Variants in GLRA3 observed in about 807,000 individuals in gnomAD.
GLRA3 encodes glycine receptor subunit alpha-3.
Under a neutral mutation model 60.4 loss-of-function variants are expected in GLRA3, and 44 were observed. The ratio of observed to expected loss-of-function variants is 0.73; its 90% CI spans 0.57 to 0.94. GLRA3 has a LOEUF of 0.94. Among genes scored for constraint, GLRA3 ranks in the 40% least tolerant of loss-of-function variants. The probability of loss-of-function intolerance (pLI) is 0.00; values close to 1 mark genes in which losing one functional copy is unlikely to be tolerated. For synonymous variants in GLRA3, 223 were observed against 192.9 expected (o/e 1.16, Z -1.29); for missense variants, 508 against 564.6 (o/e 0.90, Z 1.02).
intron 7 of GLRA3, among the ~76,000 whole-genome samples, chr4:174,670,981 T>C (rs1733882426): frequency 6.6e-6 from 1 of 152,024 alleles, no homozygotes; most frequent in African/African-American, 2.4e-5. Context: ...TAAATAATTA[T>C]TTCATTTTCT....
At chr4:174,810,182 T>C (rs1300188637) in intron 1 of GLRA3, among the ~76,000 whole-genome samples, 1 of 152,090 alleles carries the variant, frequency 6.6e-6, no homozygotes. Context: ...GTAAATTACA[T>C]GCTATTTTGG....
At chr4:174,747,622 T>G (rs1322289761) in intron 3 of GLRA3, among the ~76,000 whole-genome samples, 1 of 152,090 alleles carries the variant, frequency 6.6e-6, no homozygotes, top group African/African-American at 2.4e-5. Flanking sequence ...AAGTGACATA[T>G]CTGGGAAATA....
At chr4:174,731,207 C>A (rs74466355) in intron 3 of GLRA3, among the ~76,000 whole-genome samples, 1 of 152,130 alleles carries the variant, frequency 6.6e-6, no homozygotes, top group African/African-American at 2.4e-5. Context: ...TATTAAATAA[C>A]CAAATTCAGC....
chr4:174,666,319 A>G (rs1006953403), intron 7 of GLRA3, among the ~76,000 whole-genome samples: 4 of 152,104 alleles, frequency 2.6e-5, no homozygotes, highest in Non-Finnish European at 4.4e-5. Flanking sequence ...TAGACAACGT[A>G]TGAAAAGAAA....
chr4:174,791,165 T>C, intron 1 of GLRA3, among the ~76,000 whole-genome samples: 1 of 152,216 alleles, frequency 6.6e-6, no homozygotes, highest in African/African-American at 2.4e-5. Context: ...ACAGTATCCT[T>C]ATAAGGATAT....
intron 2 of GLRA3, among the ~76,000 whole-genome samples, chr4:174,784,120 C>G (rs1372109738): frequency 7.0e-6 from 1 of 142,316 alleles, no homozygotes; most frequent in Non-Finnish European, 1.5e-5. Flanking sequence ...ACATATACAC[C>G]ATGGAATACT....
chr4:174,711,472 A>C (rs1401806448), intron 5 of GLRA3, among the ~76,000 whole-genome samples: 1 of 147,246 alleles, frequency 6.8e-6, no homozygotes, highest in Non-Finnish European at 1.5e-5. Context: ...AGAGAGTCTC[A>C]CTCTGTCGCC....
In GLRA3 at chr4:174,638,016, A is replaced by G. The variant is rs1030280411; in HGVS notation, c.*5770T>C. On this transcript the variant is annotated 3_prime_UTR_variant, in exon 10 of 10. Coordinates refer to ENST00000274093, the MANE Select transcript of GLRA3 (RefSeq NM_006529.4). The stretch of plus-strand genomic sequence containing the variant: ...TAAGGGGTTGATTGAACTTAAACAC[A>G]GACAGCAGAAATGTGAAAATATATG... 6.6e-6 allele frequency: 1 copy of G among 152,216 alleles called. No homozygotes were observed. The highest frequency in any genetic ancestry group is 2.4e-5 in the African/African-American group (1 of 41,458). 9.4% of individuals were successfully genotyped at this position (152,216 alleles called of 1,614,324 possible). A position where few individuals can be genotyped will look rare whatever the true frequency, so the allele number is the denominator to read the frequency against.
At chr4:174,667,947 G>A (rs1053311586) in intron 7 of GLRA3, among the ~76,000 whole-genome samples, 3 of 152,102 alleles carry the variant, frequency 2.0e-5, no homozygotes, top group Admixed American at 6.6e-5. Flanking sequence ...GGTGTTGGAG[G>A]TGGGGCTTGG....
chr4:174,785,595 T>G (rs1287639865), intron 2 of GLRA3, among the ~76,000 whole-genome samples: 2 of 151,956 alleles, frequency 1.3e-5, no homozygotes, highest in South Asian at 2.1e-4. Flanking sequence ...TACAAAACTT[T>G]GAAGTCCAGA....
chr4:174,771,685 T>C (rs1033428937), intron 2 of GLRA3, among the ~76,000 whole-genome samples: 2 of 152,136 alleles, frequency 1.3e-5, no homozygotes, highest in African/African-American at 4.8e-5. Context: ...TGGGATCTTT[T>C]TGGCTGAAAC....
chr4:174,680,488 A>G (rs1561050926), intron 6 of GLRA3, among the ~76,000 whole-genome samples: 1 of 152,222 alleles, frequency 6.6e-6, no homozygotes, highest in Non-Finnish European at 1.5e-5. Flanking sequence ...AAGAGTTGGC[A>G]TTTGAATAAC....
At chr4:174,819,860 G>A (rs1052649795) in intron 1 of GLRA3, among the ~76,000 whole-genome samples, 2 of 152,088 alleles carry the variant, frequency 1.3e-5, no homozygotes, top group African/African-American at 4.8e-5. Context: ...TTGAGAATAT[G>A]CATCATTTAT....
intron 7 of GLRA3, among the ~76,000 whole-genome samples, chr4:174,664,382 G>T (rs929936668): frequency 8.6e-5 from 13 of 151,930 alleles, no homozygotes; most frequent in African/African-American, 2.9e-4. Context: ...AAGGAGTCAA[G>T]AATCTCTACC....
intron 5 of GLRA3, among the ~76,000 whole-genome samples, chr4:174,686,606 C>T (rs1050602596): frequency 1.3e-5 from 2 of 152,170 alleles, no homozygotes; most frequent in African/African-American, 2.4e-5. Context: ...ATATTATTGC[C>T]GAGTAAAGAG....
At chr4:174,649,941 C>T (rs553191837) in intron 9 of GLRA3, among the ~76,000 whole-genome samples, 9 of 152,158 alleles carry the variant, frequency 5.9e-5, no homozygotes, top group Non-Finnish European at 1.0e-4. Context: ...GTTGTCACAA[C>T]CGGATAAGAA....
At chr4:174,813,847 G>A (rs757182569) in intron 1 of GLRA3, among the ~76,000 whole-genome samples, 17 of 151,962 alleles carry the variant, frequency 1.1e-4, no homozygotes, top group Non-Finnish European at 1.0e-4. Context: ...TTCCAAATCC[G>A]TTGATGTCTT....
At chr4:174,716,603 C>G (rs1291823936) in intron 4 of GLRA3, among the ~76,000 whole-genome samples, 1 of 152,110 alleles carries the variant, frequency 6.6e-6, no homozygotes, top group African/African-American at 2.4e-5. Flanking sequence ...TTCATGAGCA[C>G]CCTAGGTGGA....
chr4:174,708,787 C>T (rs1735606314), intron 5 of GLRA3, among the ~76,000 whole-genome samples: 1 of 146,480 alleles, frequency 6.8e-6, no homozygotes, highest in Admixed American at 6.8e-5. Flanking sequence ...AATGTTTTTC[C>T]ATGATTAAAA....
Sources: allele counts gnomAD v4.1 joint callset (sites outside exome capture counted in the v4.1 genomes callset), GRCh38; gene constraint gnomAD v4.1.1; transcripts MANE v1.5; gene names NCBI Gene and HGNC (gene_info 2026-07-23, HGNC 2026-07-21).